LCORL: variants seen among roughly 807,000 people sequenced by gnomAD.
LCORL encodes the protein ligand-dependent nuclear receptor corepressor-like protein.
Under a neutral mutation model 141.8 loss-of-function variants are expected in LCORL, and 41 were observed. The ratio of observed to expected loss-of-function variants is 0.29; its 90% CI spans 0.23 to 0.38. The LOEUF is 0.38. LCORL is among the 10% of genes least tolerant of loss of function. The pLI is 1.00. For missense variants in LCORL, 1,759 were observed against 2,035.0 expected (o/e 0.86, Z 2.61); for synonymous variants, 618 against 694.1 (o/e 0.89, Z 1.72).
intron 6 of LCORL, among the ~76,000 whole-genome samples, chr4:17,879,932 A>C (rs1727342234): frequency 6.6e-6 from 1 of 151,090 alleles, no homozygotes; most frequent in Admixed American, 6.6e-5. Flanking sequence ...TGGTACAAGT[A>C]ATCAAAACTA....
chr4:17,872,390 A>T (rs1490452015), intron 7 of LCORL, among the ~76,000 whole-genome samples: 1 of 152,166 alleles, frequency 6.6e-6, no homozygotes, highest in Non-Finnish European at 1.5e-5. Context: ...AAATACACTA[A>T]CACTAACAAT....
intron 4 of LCORL, among the ~76,000 whole-genome samples, chr4:17,916,352 A>T (rs1275718882): frequency 1.3e-5 from 2 of 152,160 alleles, no homozygotes; most frequent in Non-Finnish European, 2.9e-5. Context: ...CAAGACCTAC[A>T]TCAAACCACT....
chr4:17,921,468 A>C (rs1477897920), intron 4 of LCORL, among the ~76,000 whole-genome samples: 1 of 152,220 alleles, frequency 6.6e-6, no homozygotes, highest in African/African-American at 2.4e-5. Flanking sequence ...ATAAAACTTG[A>C]AAGTAGAAAT....
Position 17,869,044 on chromosome 4 carries a change from C to CTT in LCORL, c.5602+4342_5602+4343dup, listed in dbSNP as rs571368298. Among the ~76,000 whole-genome samples, 75 of 134,006 alleles carry CTT rather than the reference C, an allele frequency of 5.6e-4. 1 individual carries two copies. The highest frequency in any genetic ancestry group is 4.7e-3 in the South Asian group (19 of 4,008). The allele number at this position is 134,006 out of a possible 152,430, so 87.9% of individuals were successfully genotyped here. Reference sequence around the variant, plus strand: ...CCTTCCCACATATTGTTCCCACTACCTTTTTTTTTTTTTTTTTTTAGAGAA... The same window carrying CTT: ...CCTTCCCACATATTGTTCCCACTACCTTTTTTTTTTTTTTTTTTTTTAGAGAA... On this transcript the variant is annotated intron_variant, in intron 7 of 7. Coordinates refer to ENST00000635767, the Ensembl canonical transcript of LCORL.
chr4:17,884,614 T>C lies in LCORL; in HGVS notation c.776+1454A>G. On this transcript the variant is annotated intron_variant, in intron 6 of 7. Coordinates refer to ENST00000635767, the Ensembl canonical transcript of LCORL. The surrounding 1 kb of genome is among the most constrained non-coding windows in gnomAD (Gnocchi z 4.4). ...CTTCTAAGTGAAGAAGTAAAGTTTT[T>C]TGAGGTATGCCATAAAGTATGCCTG... 1 of 1,547,410 alleles carries C rather than the reference T, an allele frequency of 6.5e-7. No individual in the cohort carries two copies. Among genetic ancestry groups the C allele is most frequent in the Non-Finnish European group, 8.7e-7 (1 of 1,145,472 alleles).
intron 1 of LCORL, among the ~76,000 whole-genome samples, chr4:17,977,303 T>C (rs1385662956): frequency 6.6e-6 from 1 of 152,192 alleles, no homozygotes; most frequent in Non-Finnish European, 1.5e-5. Context: ...CATTTAGTTG[T>C]TTAAGAAACC....
rs558310275 is a variant in LCORL at position 17,905,195 on chromosome 4, T to G, written c.682+3899A>C. Among the ~76,000 whole-genome samples the G allele has an allele frequency of 1.3e-4, 20 of 152,220 alleles. No homozygotes were observed. The South Asian group carries it at 4.1e-3, about 32-fold the overall frequency. ...AACTGATGATAGTGTGCATTTTTTG[T>G]GTTATCTTTTATTTTAAATCTTTAG... On this transcript the variant is annotated intron_variant, in intron 5 of 7. Transcript: ENST00000635767.
At chr4:18,019,598 G>GTT (rs1247290182) in intron 1 of LCORL, among the ~76,000 whole-genome samples, 1 of 151,868 alleles carries the variant, frequency 6.6e-6, no homozygotes, top group Non-Finnish European at 1.5e-5. Context: ...AATGAATTGT[G>GTT]TTTCATTTAA....
chr4:17,999,910 T>C (rs1055853155), intron 1 of LCORL, among the ~76,000 whole-genome samples: 6 of 152,228 alleles, frequency 3.9e-5, no homozygotes, highest in Non-Finnish European at 5.9e-5. Context: ...GGTTGTTAAA[T>C]GTCCCACAAG....
chr4:17,938,063 T>C (rs1480894835), intron 4 of LCORL, among the ~76,000 whole-genome samples: 4 of 149,506 alleles, frequency 2.7e-5, no homozygotes, highest in Non-Finnish European at 5.9e-5. Flanking sequence ...TGGAGTGCAG[T>C]GGCGCGATCT....
exon 8 of LCORL, chr4:17,843,403 T>G (rs1313461076): frequency 1.2e-6 from 2 of 1,611,390 alleles, no homozygotes. Context: ...CTTGCCCAAT[T>G]TCTCAATGAA....
chr4:17,878,953 A>G (rs907415221), intron 6 of LCORL, among the ~76,000 whole-genome samples: 1 of 150,222 alleles, frequency 6.7e-6, no homozygotes, highest in Non-Finnish European at 1.5e-5. Flanking sequence ...AAGTCTACAC[A>G]TTTTTTTTTA....
intron 1 of LCORL, among the ~76,000 whole-genome samples, chr4:17,995,290 A>G (rs1278771473): frequency 6.6e-6 from 1 of 151,606 alleles, no homozygotes; most frequent in Non-Finnish European, 1.5e-5. Flanking sequence ...TAAGGACTAC[A>G]GTGTCTCCAT....
intron 1 of LCORL, among the ~76,000 whole-genome samples, chr4:18,017,546 C>CA: frequency 6.6e-6 from 1 of 152,186 alleles, no homozygotes; most frequent in South Asian, 2.1e-4. Flanking sequence ...GTATTCCTGC[C>CA]AAAATGCATA....
chr4:17,969,970 G>C (rs952505239), intron 2 of LCORL, among the ~76,000 whole-genome samples: 3 of 152,042 alleles, frequency 2.0e-5, no homozygotes, highest in African/African-American at 7.2e-5. Context: ...TATATTGCTG[G>C]GATATCTTTC....
chr4:17,995,299 A>G (rs142568968), intron 1 of LCORL, among the ~76,000 whole-genome samples: 32 of 150,748 alleles, frequency 2.1e-4, no homozygotes, highest in Middle Eastern at 3.5e-3. Context: ...CAGTGTCTCC[A>G]TTAATAAAGG....
intron 4 of LCORL, among the ~76,000 whole-genome samples, chr4:17,917,756 C>CG: frequency 6.6e-6 from 1 of 152,076 alleles, no homozygotes; most frequent in Non-Finnish European, 1.5e-5. Context: ...GGGTGGGAGG[C>CG]GGAATGCAAC....
At chr4:18,018,834 T>G (rs989731518) in intron 1 of LCORL, among the ~76,000 whole-genome samples, 10 of 152,336 alleles carry the variant, frequency 6.6e-5, no homozygotes, top group South Asian at 6.2e-4. Flanking sequence ...TAAAAATGAT[T>G]GTAAGCAATG....
At chr4:17,848,702 G>A (rs914969109) in intron 7 of LCORL, among the ~76,000 whole-genome samples, 31 of 152,234 alleles carry the variant, frequency 2.0e-4, no homozygotes, top group Admixed American at 6.5e-4. Flanking sequence ...GCAGTGCACC[G>A]TGTGCGAGCC....
Sources: gnomAD v4.1 joint callset for allele counts (sites outside exome capture counted in the v4.1 genomes callset) on GRCh38, gnomAD v4.1.1 for gene constraint, Gnocchi (gnomAD v3.1) non-coding constraint, MANE v1.5 for transcripts, NCBI Gene and HGNC (gene_info 2026-07-23, HGNC 2026-07-21) for gene names.